The following TAAR5 variants were observed in gnomAD, a reference collection of about 807,000 sequenced individuals.
TAAR5 encodes trace amine-associated receptor 5.
A neutral mutation model predicts 21.1 loss-of-function variants in TAAR5; 27 were observed. The observed-to-expected ratio is 1.28, with a 90% CI of 0.94 to 1.76. The LOEUF is 1.76. Among genes scored for constraint, TAAR5 ranks in the 40% most tolerant of loss-of-function variants. The pLI is 0.00. For synonymous variants in TAAR5, 203 were observed against 167.5 expected, an observed-to-expected ratio of 1.21 and a Z score of -1.64; for missense variants, 495 against 405.6, an observed-to-expected ratio of 1.22 and a Z score of -1.89.
In TAAR5 at chr6:132,589,063, G is replaced by A; in HGVS notation, c.624C>T (p.Phe208=). The A allele has an allele frequency of 6.2e-7, 1 of 1,614,074 alleles. No individual in the cohort carries two copies. The highest frequency in any genetic ancestry group is 8.5e-7 in the Non-Finnish European group (1 of 1,179,990). Residue 208 remains phenylalanine, a synonymous_variant, in exon 1 of 1, where the codon TTC becomes TTT. Transcript: ENST00000258034. ...TGATCATAATGAGGCAGGGGACAAA[G>A]AACAAAGGGAAGTTTAACCAGCCCC... ...KFWGWLNFPL[F]FVPCLIMISL...
the TAAR5 span, among the ~76,000 whole-genome samples, chr6:132,615,913 C>T: frequency 7.1e-6 from 1 of 140,066 alleles, no homozygotes; most frequent in African/African-American, 2.8e-5. Context: ...CACACACACA[C>T]GAGATATAAC....
chr6:132,611,619 C>T, the TAAR5 span, among the ~76,000 whole-genome samples: 1 of 152,062 alleles, frequency 6.6e-6, no homozygotes, highest in Non-Finnish European at 1.5e-5. Context: ...TGATCGGGCT[C>T]AGGATAGGGT....
the TAAR5 span, among the ~76,000 whole-genome samples, chr6:132,607,890 C>A: frequency 6.6e-6 from 1 of 152,186 alleles, no homozygotes; most frequent in African/African-American, 2.4e-5. Flanking sequence ...CAGATAGGAA[C>A]CAAAGCCAAC....
the TAAR5 span, among the ~76,000 whole-genome samples, chr6:132,604,867 G>A: frequency 1.3e-5 from 2 of 152,150 alleles, no homozygotes; most frequent in African/African-American, 2.4e-5. Context: ...ATAGCCAGGG[G>A]CAGCAATAGC....
At position 132,589,292 on chromosome 6, in the gene TAAR5, CG is replaced by C. The variant is rs1554204912; in HGVS notation, c.394del (p.Arg132AlafsTer17). ...IFHLCFISID[R>X]HCAICDPLLY... is the part of the protein sequence containing the mutation. ...CAGGGGGTCACAGATGGCACAGTGG[CG>C]GTCAATGGAAATGAAACAGAGATGG... On this transcript the variant is annotated frameshift_variant, in exon 1 of 1. Transcript: ENST00000258034. LOFTEE classifies it high-confidence loss of function. The C allele has an allele frequency of 6.2e-7, 1 of 1,611,856 alleles. No homozygotes were observed. Among genetic ancestry groups the C allele is most frequent in the Non-Finnish European group, 8.5e-7 (1 of 1,178,978 alleles).
In TAAR5 at chr6:132,589,695, T is replaced by C. The variant is rs1264032425; in HGVS notation, c.-9A>G. ...ATGAAGACAGCTCTCATTTATGATT[T>C]CTACTCTTCCTCTGTCTGAGAACTG... On this transcript the variant is annotated 5_prime_UTR_variant, in exon 1 of 1. Transcript: ENST00000258034. 1.3e-6 allele frequency: 2 copies of C among 1,513,232 alleles called. No individual in the cohort carries two copies. Among genetic ancestry groups the C allele is most frequent in the Non-Finnish European group, 1.8e-6 (2 of 1,130,418 alleles). The allele number at this position is 1,513,232 out of a possible 1,614,324, so 93.7% of individuals were successfully genotyped here.
At chr6:132,602,965 A>AT in the TAAR5 span, among the ~76,000 whole-genome samples, 1 of 152,120 alleles carries the variant, frequency 6.6e-6, no homozygotes, top group Admixed American at 6.6e-5. Context: ...TTCAGATAAC[A>AT]TTGCAATAAG....
the TAAR5 span, among the ~76,000 whole-genome samples, chr6:132,616,317 A>C: frequency 6.6e-6 from 1 of 152,228 alleles, no homozygotes; most frequent in Non-Finnish European, 1.5e-5. Flanking sequence ...TGTTATTAAA[A>C]AATACATGTA....
chr6:132,589,094 T>G lies in TAAR5; in HGVS notation c.593A>C (p.Lys198Thr), dbSNP rs371543236. 7 of 1,613,844 alleles carry G rather than the reference T, an allele frequency of 4.3e-6. No individual in the cohort carries two copies. In the African/African-American group the frequency reaches 8.0e-5, roughly 18 times the overall value. The part of the protein sequence containing the change: ...CVGSCQLLLN[K>T]FWGWLNFPLF... The stretch of plus-strand genomic sequence containing the variant: ...AGGGAAGTTTAACCAGCCCCAAAAT[T>G]TATTGAGCAGCAGCTGGCAACTGCC... The change falls in exon 1 of 1, where the codon AAA becomes ACA. Residue 198 changes from lysine to threonine, a missense_variant. Physicochemically the swap from Lys to Thr is moderately conservative, Grantham distance 78 (BLOSUM62 -1). Transcript: ENST00000258034.
chr6:132,589,841 A>T (rs1284452008), upstream of TAAR5, among the ~76,000 whole-genome samples: 4 of 151,336 alleles, frequency 2.6e-5, no homozygotes, highest in Non-Finnish European at 5.9e-5. Context: ...TTTGGAACAT[A>T]GTACAGTGCC....
the TAAR5 span, chr6:132,608,277 T>C: frequency 4.6e-6 from 2 of 437,592 alleles, no homozygotes; most frequent in East Asian, 7.0e-5. Context: ...AATTTGCAGT[T>C]TCTGAATGGG....
the TAAR5 span, among the ~76,000 whole-genome samples, chr6:132,605,135 G>A: frequency 6.6e-6 from 1 of 152,216 alleles, no homozygotes; most frequent in African/African-American, 2.4e-5. Flanking sequence ...TCCTTAATCC[G>A]GTTTGTACAG....
chr6:132,594,687 C>G (rs1015480115), upstream of TAAR5: 2 of 152,094 alleles, frequency 1.3e-5, no homozygotes, highest in African/African-American at 2.4e-5. Flanking sequence ...TTAGAGGATG[C>G]CTTTTTTTTT....
rs3813354 is a variant in TAAR5, at chr6:132,589,495, C to T, written c.192G>A (p.Ala64=). 193,018 of 1,613,708 alleles carry T rather than the reference C, an allele frequency of 0.12. 15,948 individuals are homozygous for T. The highest frequency in any genetic ancestry group is 0.32 in the East Asian group (14,405 of 44,844). ...FVAFAVSYFK[A]LHTPTNFLLL... ...GCAGGAAGTTGGTGGGCGTGTGAAG[C>T]GCTTTGAAGTAGGACACAGCAAATG... Residue 64 remains alanine (A), a synonymous_variant, in exon 1 of 1, where the codon GCG becomes GCA. Coordinates refer to ENST00000258034, the MANE Select transcript of TAAR5 (RefSeq NM_003967.3).
chr6:132,614,588 GAA>G, the TAAR5 span, among the ~76,000 whole-genome samples: 1 of 152,102 alleles, frequency 6.6e-6, no homozygotes, highest in African/African-American at 2.4e-5. Flanking sequence ...TCCCTTTCCT[GAA>G]AAGTTAGTTG....
At chr6:132,612,721 T>C in the TAAR5 span, among the ~76,000 whole-genome samples, 1 of 152,184 alleles carries the variant, frequency 6.6e-6, no homozygotes, top group Non-Finnish European at 1.5e-5. Flanking sequence ...CCATATGTAA[T>C]GTTTGCACCT....
the TAAR5 span, among the ~76,000 whole-genome samples, chr6:132,603,598 G>A: frequency 2.0e-5 from 3 of 151,802 alleles, no homozygotes; most frequent in African/African-American, 7.2e-5. Flanking sequence ...ATGTTTAAGA[G>A]AATTTAGCAT....
At chr6:132,613,004 G>C in the TAAR5 span, among the ~76,000 whole-genome samples, 2 of 152,258 alleles carry the variant, frequency 1.3e-5, no homozygotes, top group East Asian at 3.9e-4. Flanking sequence ...GTATTGGGAT[G>C]ATTCTATAAG....
chr6:132,604,408 G>T, the TAAR5 span, among the ~76,000 whole-genome samples: 1 of 152,034 alleles, frequency 6.6e-6, no homozygotes, highest in Non-Finnish European at 1.5e-5. Context: ...CTCCCAAAAT[G>T]CTGCGATTAC....
Sources: allele counts gnomAD v4.1 joint callset (sites outside exome capture counted in the v4.1 genomes callset), GRCh38; gene constraint gnomAD v4.1.1; transcripts MANE v1.5; gene names NCBI Gene and HGNC (gene_info 2026-07-23, HGNC 2026-07-21).